Variants in AFF2 observed in about 807,000 individuals in gnomAD.
AFF2 encodes the protein AF4/FMR2 family member 2.
AFF2 carries 14 observed loss-of-function variants against 76.9 expected under a neutral mutation model. The ratio of observed to expected loss-of-function variants is 0.18; its 90% CI spans 0.12 to 0.28. The LOEUF (loss-of-function observed/expected upper bound fraction) is 0.28, where lower values mean the gene tolerates loss of function less well. Among genes scored for constraint, AFF2 ranks in the 10% least tolerant of loss-of-function variants. AFF2 has a pLI of 1.00. For missense variants in AFF2, 868 were observed against 1,001.1 expected (o/e 0.87, Z 1.79); for synonymous variants, 398 against 366.7 (o/e 1.09, Z -0.98).
At chrX:148,814,406 T>C (rs1160234172) in intron 4 of AFF2, among the ~76,000 whole-genome samples, 1 of 112,409 alleles carries the variant, frequency 8.9e-6, no homozygotes, top group Non-Finnish European at 1.9e-5. Flanking sequence ...ATGAAATCCT[T>C]TCTGGAATCA....
At chrX:148,960,386 G>C (rs2072095081) in intron 12 of AFF2, among the ~76,000 whole-genome samples, 1 of 112,579 alleles carries the variant, frequency 8.9e-6, no homozygotes. Context: ...GCACAGCCAT[G>C]TTCCTTACAC....
intron 8 of AFF2, among the ~76,000 whole-genome samples, chrX:148,889,765 GCT>G (rs1359592007): frequency 1.8e-5 from 2 of 111,489 alleles, no homozygotes; most frequent in Non-Finnish European, 3.8e-5. Flanking sequence ...CACGGACATG[GCT>G]TTGAATTCTA....
intron 3 of AFF2, among the ~76,000 whole-genome samples, chrX:148,756,416 G>T (rs1326921992): frequency 1.8e-5 from 2 of 112,209 alleles, no homozygotes; most frequent in Admixed American, 9.5e-5. Flanking sequence ...TTTCCATTTT[G>T]CTGGTGAATT....
chrX:148,993,598 G>A lies in AFF2; in HGVS notation c.*2266G>A, dbSNP rs2072558353. On this transcript the variant is annotated 3_prime_UTR_variant, in exon 21 of 21. Transcript: ENST00000370460. ...TAGAATGTTGAGGCAGTTTCCCAGA[G>A]AAACAAGCATATTGCCTCATGGATG... 1.8e-5 allele frequency: 2 copies of A among 112,108 alleles called. No individual in the cohort carries two copies. The highest frequency in any genetic ancestry group is 7.5e-4 in the South Asian group (2 of 2,657). 9.2% of individuals were successfully genotyped at this position (112,108 alleles called of 1,213,427 possible).
At chrX:148,720,197 A>G (rs2055074314) in intron 3 of AFF2, among the ~76,000 whole-genome samples, 1 of 110,738 alleles carries the variant, frequency 9.0e-6, no homozygotes, top group Non-Finnish European at 1.9e-5. Flanking sequence ...TTTGAAGGAA[A>G]TTTACTTATT....
At chrX:148,746,552 G>A (rs2055422441) in intron 3 of AFF2, among the ~76,000 whole-genome samples, 1 of 112,270 alleles carries the variant, frequency 8.9e-6, no homozygotes. Flanking sequence ...CCTGCCTAAA[G>A]GATTTAGGCT....
chrX:148,517,482 A>G (rs1218986751), intron 1 of AFF2, among the ~76,000 whole-genome samples: 4 of 111,538 alleles, frequency 3.6e-5, no homozygotes, highest in Non-Finnish European at 7.5e-5. Flanking sequence ...TGCCAAGCGG[A>G]CCCAACACTC....
At chrX:148,942,891 C>T (rs782779219) in intron 9 of AFF2, among the ~76,000 whole-genome samples, 26 of 110,554 alleles carry the variant, frequency 2.4e-4, no homozygotes, top group African/African-American at 5.3e-4. Flanking sequence ...AGGGTTGTTG[C>T]GGGCAGTTAA....
intron 3 of AFF2, among the ~76,000 whole-genome samples, chrX:148,757,179 C>T (rs1557266950): frequency 8.9e-6 from 1 of 112,349 alleles, no homozygotes; most frequent in African/African-American, 3.2e-5. Context: ...CTTGTTTTTA[C>T]AAATAAAGTA....
intron 3 of AFF2, among the ~76,000 whole-genome samples, chrX:148,683,586 T>C (rs1557260114): frequency 8.9e-6 from 1 of 112,176 alleles, no homozygotes; most frequent in Non-Finnish European, 1.9e-5. Context: ...GCATTTAACA[T>C]GTTGGTCTTA....
intron 1 of AFF2, among the ~76,000 whole-genome samples, chrX:148,646,896 C>A (rs1483891933): frequency 8.9e-6 from 1 of 112,009 alleles, no homozygotes; most frequent in Non-Finnish European, 1.9e-5. Context: ...ATAATGATGG[C>A]CTGTTTTGAG....
intron 7 of AFF2, among the ~76,000 whole-genome samples, chrX:148,851,551 G>C (rs2070731068): frequency 1.8e-5 from 2 of 111,003 alleles, no homozygotes; most frequent in African/African-American, 6.6e-5. Flanking sequence ...AAGGTTCTAG[G>C]GTCCCTGAGA....
At chrX:148,617,323 A>G (rs1232450337) in intron 1 of AFF2, among the ~76,000 whole-genome samples, 24 of 112,371 alleles carry the variant, frequency 2.1e-4, no homozygotes, top group African/African-American at 6.1e-4. Context: ...TCTGATGGCC[A>G]GTGATGATGA....
intron 3 of AFF2, among the ~76,000 whole-genome samples, chrX:148,741,911 T>G (rs1355416132): frequency 8.9e-6 from 1 of 111,931 alleles, no homozygotes; most frequent in African/African-American, 3.3e-5. Context: ...GAAACAGACC[T>G]TCAGCTTTTC....
chrX:148,526,802 A>G (rs2052665961), intron 1 of AFF2, among the ~76,000 whole-genome samples: 1 of 111,294 alleles, frequency 9.0e-6, no homozygotes, highest in Non-Finnish European at 1.9e-5. Flanking sequence ...GATCTCACCA[A>G]TTCCAATAAA....
chrX:148,546,004 T>C (rs1268434893), intron 1 of AFF2, among the ~76,000 whole-genome samples: 1 of 112,184 alleles, frequency 8.9e-6, no homozygotes, highest in African/African-American at 3.2e-5. Context: ...ACCTAGTAAA[T>C]TATGTTTATA....
intron 8 of AFF2, among the ~76,000 whole-genome samples, chrX:148,897,268 T>TCC (rs1177211747): frequency 1.0e-3 from 28 of 26,809 alleles, no homozygotes; most frequent in South Asian, 2.0e-3. Flanking sequence ...TATATATATA[T>TCC]ATATGTATAT....
chrX:148,713,525 T>G (rs373926152), intron 3 of AFF2, among the ~76,000 whole-genome samples: 3 of 111,848 alleles, frequency 2.7e-5, no homozygotes, highest in East Asian at 2.8e-4. Flanking sequence ...AGCAATAAAT[T>G]TTACAGAAAA....
chrX:148,946,479 G>T (rs1015858120), intron 9 of AFF2, among the ~76,000 whole-genome samples: 2 of 112,655 alleles, frequency 1.8e-5, no homozygotes, highest in African/African-American at 6.5e-5. Flanking sequence ...CAAACTTAGT[G>T]CTTTAAAACA....
Sources: allele counts gnomAD v4.1 joint callset (sites outside exome capture counted in the v4.1 genomes callset), GRCh38; gene constraint gnomAD v4.1.1; transcripts MANE v1.5; gene names NCBI Gene and HGNC (gene_info 2026-07-23, HGNC 2026-07-21).